Variants in AUTS2 observed in about 807,000 individuals in gnomAD.
AUTS2 encodes activator of transcription and developmental regulator AUTS2.
In AUTS2, 17 loss-of-function variants were observed where a neutral mutation model predicts 112.4. The ratio of observed to expected loss-of-function variants is 0.15; its 90% CI spans 0.10 to 0.23. The LOEUF (loss-of-function observed/expected upper bound fraction) is 0.23, where lower values mean the gene tolerates loss of function less well. Among genes scored for constraint, AUTS2 ranks in the 10% least tolerant of loss-of-function variants. The pLI is 1.00. For missense variants in AUTS2, 1,510 were observed against 1,701.6 expected, an observed-to-expected ratio of 0.89 and a Z score of 1.98; for synonymous variants, 751 against 702.7, an observed-to-expected ratio of 1.07 and a Z score of -1.09.
intron 1 of AUTS2, among the ~76,000 whole-genome samples, chr7:69,749,918 A>G (rs1787663714): frequency 6.6e-6 from 1 of 152,202 alleles, no homozygotes; most frequent in Admixed American, 6.5e-5. Context: ...CCGCAGGAAA[A>G]GAAAAGGCCA....
At chr7:69,894,712 G>A (rs1198158850) in intron 1 of AUTS2, among the ~76,000 whole-genome samples, 1 of 152,026 alleles carries the variant, frequency 6.6e-6, no homozygotes, top group Non-Finnish European at 1.5e-5. Context: ...TGGTGATAAT[G>A]TTTCTTTTCT....
chr7:70,295,359 CA>C (rs1050369762), intron 4 of AUTS2, among the ~76,000 whole-genome samples: 1 of 152,156 alleles, frequency 6.6e-6, no homozygotes, highest in Non-Finnish European at 1.5e-5. Flanking sequence ...CACTGGAGGC[CA>C]CAATCTTTGA....
chr7:70,496,237 T>C (rs1178583687), intron 5 of AUTS2, among the ~76,000 whole-genome samples: 2 of 25,684 alleles, frequency 7.8e-5, no homozygotes, highest in Non-Finnish European at 7.3e-5. Flanking sequence ...ACGTACACAG[T>C]CACACACACA....
intron 1 of AUTS2, among the ~76,000 whole-genome samples, chr7:69,717,052 C>T (rs1439141704): frequency 6.6e-6 from 1 of 152,146 alleles, no homozygotes; most frequent in Non-Finnish European, 1.5e-5. Context: ...AAATTTATTA[C>T]ATAGGCAGGA....
chr7:70,190,959 C>T (rs562048533), intron 4 of AUTS2, among the ~76,000 whole-genome samples: 236 of 152,136 alleles, frequency 1.6e-3, no homozygotes, highest in Non-Finnish European at 2.7e-3. Flanking sequence ...TTAACAGTAT[C>T]TTACTGTAAA....
intron 4 of AUTS2, among the ~76,000 whole-genome samples, chr7:70,245,161 TATATATATAA>T (rs1040963581): frequency 5.1e-5 from 7 of 137,864 alleles, no homozygotes; most frequent in African/African-American, 1.9e-4. Context: ...TATATATATA[TATATATATAA>T]AAAATAAAAA....
intron 1 of AUTS2, among the ~76,000 whole-genome samples, chr7:69,780,735 T>C (rs1789110197): frequency 6.6e-6 from 1 of 152,218 alleles, no homozygotes; most frequent in South Asian, 2.1e-4. Context: ...AAATGGTCAC[T>C]GGTGAGTGTC....
intron 1 of AUTS2, among the ~76,000 whole-genome samples, chr7:69,608,050 C>T (rs764581527): frequency 6.6e-6 from 1 of 152,096 alleles, no homozygotes; most frequent in African/African-American, 2.4e-5. Flanking sequence ...ATCTTCCCAC[C>T]TCACCCTCCC....
intron 5 of AUTS2, among the ~76,000 whole-genome samples, chr7:70,471,096 G>A (rs1177079909): frequency 6.6e-6 from 1 of 152,172 alleles, no homozygotes; most frequent in Non-Finnish European, 1.5e-5. Flanking sequence ...GCAGCCCACT[G>A]GATATGTCTA....
At chr7:70,163,490 A>C (rs1808225794) in intron 4 of AUTS2, among the ~76,000 whole-genome samples, 1 of 152,062 alleles carries the variant, frequency 6.6e-6, no homozygotes, top group South Asian at 2.1e-4. Flanking sequence ...ACAATGCAAA[A>C]GCCATATGCT....
Position 69,709,901 on chromosome 7 carries a change from A to AC in AUTS2, c.309+109946dup, listed in dbSNP as rs11300986. ...TCAATAGCATCACACGAAACATGTC[A>AC]CCCCCCCTTTTTAGTTTCTTCCCTT... On this transcript the variant is annotated intron_variant, in intron 1 of 18. Transcript: ENST00000342771. 2.6e-3 allele frequency among the ~76,000 whole-genome samples: 402 copies of AC among 151,950 alleles called. 3 individuals are homozygous for AC. The highest frequency in any genetic ancestry group is 9.2e-3 in the African/African-American group (383 of 41,418).
chr7:70,196,546 C>G (rs527955067), intron 4 of AUTS2, among the ~76,000 whole-genome samples: 3 of 152,322 alleles, frequency 2.0e-5, no homozygotes, highest in African/African-American at 7.2e-5. Flanking sequence ...CTCTAGGCGT[C>G]TGGATATATG....
chr7:70,063,393 C>A (rs1165139701), intron 2 of AUTS2, among the ~76,000 whole-genome samples: 1 of 151,728 alleles, frequency 6.6e-6, no homozygotes, highest in Non-Finnish European at 1.5e-5. Context: ...GTTGGTATAC[C>A]AGAATGATGA....
chr7:70,463,434 G>T (rs182580060), intron 5 of AUTS2, among the ~76,000 whole-genome samples: 1 of 152,300 alleles, frequency 6.6e-6, no homozygotes, highest in East Asian at 1.9e-4. Context: ...TGGAGTACTT[G>T]TTGCAGCGTG....
chr7:69,956,991 T>C (rs1021629404), intron 2 of AUTS2, among the ~76,000 whole-genome samples: 5 of 151,926 alleles, frequency 3.3e-5, no homozygotes, highest in Non-Finnish European at 7.4e-5. Context: ...GCCTTCCAAG[T>C]AGCTGGAAAT....
intron 5 of AUTS2, among the ~76,000 whole-genome samples, chr7:70,695,831 G>T (rs982779785): frequency 6.6e-6 from 1 of 152,066 alleles, no homozygotes; most frequent in Non-Finnish European, 1.5e-5. Flanking sequence ...AGCCAAAAGA[G>T]AGCTTTGGTT....
chr7:69,602,675 G>T (rs770182701), intron 1 of AUTS2, among the ~76,000 whole-genome samples: 21 of 152,162 alleles, frequency 1.4e-4, no homozygotes, highest in Non-Finnish European at 2.5e-4. Flanking sequence ...ACACTTAAAT[G>T]AATGTATAAC....
At chr7:69,712,700 G>C (rs755420946) in intron 1 of AUTS2, among the ~76,000 whole-genome samples, 2 of 152,104 alleles carry the variant, frequency 1.3e-5, no homozygotes, top group Admixed American at 1.3e-4. Flanking sequence ...ACAAGTCTTC[G>C]TATGGGTATC....
At chr7:69,689,856 T>G (rs1447494507) in intron 1 of AUTS2, among the ~76,000 whole-genome samples, 1 of 149,804 alleles carries the variant, frequency 6.7e-6, no homozygotes, top group Non-Finnish European at 1.5e-5. Context: ...TTTTGTATTT[T>G]TTTTTTTTTT....
Sources: gnomAD v4.1 joint callset for allele counts (sites outside exome capture counted in the v4.1 genomes callset) on GRCh38, gnomAD v4.1.1 for gene constraint, MANE v1.5 for transcripts, NCBI Gene and HGNC (gene_info 2026-07-23, HGNC 2026-07-21) for gene names.